PRKN: variants seen among roughly 807,000 people sequenced by gnomAD.
PRKN encodes E3 ubiquitin-protein ligase parkin.
PRKN carries 56 observed loss-of-function variants against 59.5 expected under a neutral mutation model. The ratio of observed to expected loss-of-function variants is 0.94; its 90% CI spans 0.76 to 1.18. PRKN has a LOEUF of 1.18. Among genes scored for constraint, PRKN ranks in the 50% most tolerant of loss-of-function variants. The pLI is 0.00. For missense variants in PRKN, 657 were observed against 596.4 expected (o/e 1.10, Z -1.06); for synonymous variants, 250 against 222.1 (o/e 1.13, Z -1.12).
rs1416361820 is a variant in PRKN, at chr6:161,518,233, C to T, written c.1083+30621G>A. Among the ~76,000 whole-genome samples, 2 of 152,242 alleles carry T rather than the reference C, an allele frequency of 1.3e-5. No individual in the cohort carries two copies. The highest frequency in any genetic ancestry group is 2.9e-5 in the Non-Finnish European group (2 of 68,044). On this transcript the variant is annotated intron_variant, in intron 9 of 11. Coordinates refer to ENST00000366898, the MANE Select transcript of PRKN (RefSeq NM_004562.3). The surrounding 1 kb of genome is among the most constrained non-coding windows in gnomAD (Gnocchi z 5.0). ...ACATAGGTGCATGAGAGGGGGACTG[C>T]CCCCACCCTGCATATCTGCTGGCGC...
intron 2 of PRKN, among the ~76,000 whole-genome samples, chr6:162,357,551 C>T (rs532491378): frequency 2.0e-5 from 3 of 152,188 alleles, no homozygotes; most frequent in East Asian, 3.9e-4. Context: ...GAATGCAAAA[C>T]GTTATGACCA....
intron 7 of PRKN, among the ~76,000 whole-genome samples, chr6:161,734,132 C>T (rs985111836): frequency 1.3e-5 from 2 of 152,168 alleles, no homozygotes; most frequent in Admixed American, 6.5e-5. Flanking sequence ...GATGTGAAGA[C>T]ATGTGCAAGC....
chr6:162,091,919 C>T (rs1236280184), intron 4 of PRKN, among the ~76,000 whole-genome samples: 3 of 152,098 alleles, frequency 2.0e-5, no homozygotes, highest in Non-Finnish European at 4.4e-5. Flanking sequence ...GCCTGTAGTT[C>T]AAGCTAGTTG....
intron 6 of PRKN, among the ~76,000 whole-genome samples, chr6:161,804,599 A>AG (rs974243718): frequency 3.3e-5 from 5 of 152,222 alleles, no homozygotes; most frequent in Non-Finnish European, 7.3e-5. Flanking sequence ...TATTGAAGAG[A>AG]TTTGGAGACA....
At chr6:162,479,565 AAC>A (rs1470301213) in intron 1 of PRKN, among the ~76,000 whole-genome samples, 1 of 152,076 alleles carries the variant, frequency 6.6e-6, no homozygotes, top group African/African-American at 2.4e-5. Flanking sequence ...GCAAGACATA[AAC>A]ACACAGTAGC....
chr6:162,369,388 C>T (rs1785625382), intron 2 of PRKN, among the ~76,000 whole-genome samples: 1 of 152,124 alleles, frequency 6.6e-6, no homozygotes, highest in Non-Finnish European at 1.5e-5. Flanking sequence ...AAAATTTTCA[C>T]ATGATTAAAA....
Position 161,593,770 on chromosome 6 carries a change from G to C in PRKN, c.872-24354C>G, listed in dbSNP as rs1203996860. Among the ~76,000 whole-genome samples, 1 of 152,178 alleles carries C rather than the reference G, an allele frequency of 6.6e-6. No individual in the cohort carries two copies. On this transcript the variant is annotated intron_variant, in intron 7 of 11. Transcript: ENST00000366898. This position sits in a 1 kb window ranked among gnomAD's most constrained non-coding sequence, Gnocchi z 4.8. ...AAAGCTTATAAATTATCCAGTTGTA[G>C]CCAAGAGAAGAAGGTGAGTGTTTGG...
chr6:162,047,122 A>G (rs966717125), intron 5 of PRKN, among the ~76,000 whole-genome samples: 7 of 152,230 alleles, frequency 4.6e-5, no homozygotes, highest in African/African-American at 9.6e-5. Flanking sequence ...AGTTTTCACA[A>G]TTCAATTTTG....
intron 7 of PRKN, among the ~76,000 whole-genome samples, chr6:161,672,374 A>C (rs751836911): frequency 2.0e-5 from 3 of 152,240 alleles, no homozygotes; most frequent in Admixed American, 6.5e-5. Context: ...AATAACTATA[A>C]ATAATGTAGA....
intron 6 of PRKN, among the ~76,000 whole-genome samples, chr6:161,912,355 T>C (rs919619542): frequency 3.3e-5 from 5 of 152,198 alleles, no homozygotes; most frequent in South Asian, 2.1e-4. Context: ...AATCTTCTTG[T>C]AGTCTGCTCT....
At chr6:161,740,164 T>C (rs1788129514) in intron 7 of PRKN, among the ~76,000 whole-genome samples, 1 of 152,250 alleles carries the variant, frequency 6.6e-6, no homozygotes, top group Non-Finnish European at 1.5e-5. Flanking sequence ...AATTAAATTG[T>C]GCAGCCTTTT....
intron 1 of PRKN, among the ~76,000 whole-genome samples, chr6:162,588,069 G>T: frequency 6.7e-6 from 1 of 149,954 alleles, no homozygotes; most frequent in African/African-American, 2.5e-5. Context: ...AGAGTGCAGT[G>T]GCACTATCTT....
At chr6:162,585,875 T>G (rs541367502) in intron 1 of PRKN, among the ~76,000 whole-genome samples, 12 of 152,228 alleles carry the variant, frequency 7.9e-5, no homozygotes, top group Admixed American at 4.6e-4. Context: ...CTAATTTTTT[T>G]TGTGTTTTTA....
intron 1 of PRKN, among the ~76,000 whole-genome samples, chr6:162,458,933 G>A (rs1456148506): frequency 6.6e-6 from 1 of 152,022 alleles, no homozygotes; most frequent in Non-Finnish European, 1.5e-5. Flanking sequence ...GGATTCTCCT[G>A]CCCCAGCCTC....
At chr6:161,890,536 G>A (rs1795304422) in intron 6 of PRKN, among the ~76,000 whole-genome samples, 1 of 152,310 alleles carries the variant, frequency 6.6e-6, no homozygotes, top group African/African-American at 2.4e-5. Context: ...AGACGAAGAG[G>A]AGCCATGCGG....
chr6:162,001,645 T>C, intron 5 of PRKN, among the ~76,000 whole-genome samples: 1 of 152,054 alleles, frequency 6.6e-6, no homozygotes, highest in East Asian at 1.9e-4. Context: ...TTTTGTTCCA[T>C]TTTCTTTTGT....
chr6:162,548,915 G>A (rs1779225567), intron 1 of PRKN, among the ~76,000 whole-genome samples: 2 of 152,096 alleles, frequency 1.3e-5, no homozygotes, highest in Non-Finnish European at 2.9e-5. Flanking sequence ...GACTAAGGAA[G>A]GTAAAGGGTA....
intron 9 of PRKN, among the ~76,000 whole-genome samples, chr6:161,476,091 G>A (rs984798633): frequency 5.3e-5 from 8 of 151,750 alleles, no homozygotes; most frequent in Non-Finnish European, 8.8e-5. Flanking sequence ...GGAGGCTGAG[G>A]CCGGAGAATG....
chr6:162,325,871 C>A (rs975673928), intron 2 of PRKN, among the ~76,000 whole-genome samples: 8 of 152,046 alleles, frequency 5.3e-5, no homozygotes, highest in African/African-American at 1.9e-4. Context: ...AAATTGTATA[C>A]ATTTTATAAA....
Sources: gnomAD v4.1 joint callset for allele counts (sites outside exome capture counted in the v4.1 genomes callset) on GRCh38, gnomAD v4.1.1 for gene constraint, Gnocchi (gnomAD v3.1) non-coding constraint, MANE v1.5 for transcripts, NCBI Gene and HGNC (gene_info 2026-07-23, HGNC 2026-07-21) for gene names.